The following LILRB4 variants were observed in gnomAD, a reference collection of about 807,000 sequenced individuals.
LILRB4 encodes the protein leukocyte immunoglobulin like receptor B4, also known as leukocyte immunoglobulin-like receptor subfamily B member 4.
Under a neutral mutation model 55.2 loss-of-function variants are expected in LILRB4, and 49 were observed. That is an observed-to-expected ratio of 0.89 (90% CI 0.71 to 1.13). The LOEUF (loss-of-function observed/expected upper bound fraction) is 1.13, where lower values mean the gene tolerates loss of function less well. Ranked by LOEUF, LILRB4 falls within the 50% of genes most tolerant of loss-of-function variation. LILRB4 has a pLI of 0.00. For synonymous variants in LILRB4, 229 were observed against 213.8 expected, an observed-to-expected ratio of 1.07 and a Z score of -0.62; for missense variants, 590 against 555.2, an observed-to-expected ratio of 1.06 and a Z score of -0.63.
chr19:54,663,526 T>C lies in LILRB4; in HGVS notation c.35-6T>C, dbSNP rs768487794. ...GGCAAATCCCTCACAGGGAACTCTC[T>C]TCCAGGGCTGAGTCTGGGCCCCAGG... is the stretch of plus-strand genomic sequence containing the variant. On this transcript the variant is annotated splice_region_variant and splice_polypyrimidine_tract_variant and intron_variant, in intron 1 of 11. Transcript: ENST00000430952. 8.7e-6 allele frequency: 14 copies of C among 1,612,188 alleles called. No individual in the cohort carries two copies. The East Asian group carries it at 3.1e-4, about 36-fold the overall frequency.
intron 2 of LILRB4, 62 bp from the exon 3 acceptor site, chr19:54,663,692 C>T (rs2065121267): frequency 1.2e-6 from 2 of 1,608,560 alleles, no homozygotes; most frequent in South Asian, 2.2e-5. Context: ...GGTCCTGGGG[C>T]TGAGAGCTGG....
chr19:54,667,074 G>C, intron 10 of LILRB4: 1 of 629,250 alleles, frequency 1.6e-6, no homozygotes. Context: ...TCTAGTGAGT[G>C]TTCCCAGGGA....
chr19:54,665,268 G>A lies in LILRB4; in HGVS notation c.757+88G>A. On this transcript the variant is annotated intron_variant, in intron 6 of 11. Transcript: ENST00000430952. This position sits in a 1 kb window ranked among gnomAD's most constrained non-coding sequence, Gnocchi z 5.5. ...CCTAGGTTAAGGCTCCTCTGGAGGT[G>A]GTGATGTGGACAGGCCCCTCCCCTG... 1 of 1,438,398 alleles carries A rather than the reference G, an allele frequency of 7.0e-7. No homozygotes were observed. The highest frequency in any genetic ancestry group is 1.4e-5 in the African/African-American group (1 of 70,776). 89.1% of individuals were successfully genotyped at this position (1,438,398 alleles called of 1,614,324 possible). A position where few individuals can be genotyped will look rare whatever the true frequency, so the allele number is the denominator to read the frequency against.
In LILRB4 at chr19:54,665,711, G is replaced by T. The variant is rs990687775; in HGVS notation, c.758-104G>T. 8 of 1,334,854 alleles carry T rather than the reference G, an allele frequency of 6.0e-6. No individual in the cohort carries two copies. The highest frequency in any genetic ancestry group is 5.9e-5 in the Admixed American group (3 of 50,644). The allele number at this position is 1,334,854 out of a possible 1,614,324, so 82.7% of individuals were successfully genotyped here. A position where few individuals can be genotyped will look rare whatever the true frequency, so the allele number is the denominator to read the frequency against. ...CTCAGGTTGCACAACTGCTGTGAGG[G>T]TTGGAGGTAATGAAAGAAAGACCCA... On this transcript the variant is annotated intron_variant, in intron 6 of 11. Coordinates refer to ENST00000430952, the Ensembl canonical transcript of LILRB4. This position sits in a 1 kb window ranked among gnomAD's most constrained non-coding sequence, Gnocchi z 5.5.
chr19:54,663,163 G>A (rs1413749032), intron 1 of LILRB4, 96 bp downstream of exon 1: 2 of 1,425,664 alleles, frequency 1.4e-6, no homozygotes, highest in Non-Finnish European at 1.9e-6. Flanking sequence ...AAATCTCAGG[G>A]TAGCCGGGCG....
At chr19:54,664,733 T>G in intron 4 of LILRB4, 66 bp from the exon 5 acceptor site, 1 of 1,280,726 alleles carries the variant, frequency 7.8e-7, no homozygotes, top group Admixed American at 2.2e-5. Context: ...TAGGGAGAGG[T>G]TCAATTTGAT....
downstream of LILRB4, chr19:54,668,456 G>T (rs567877093): frequency 4.8e-4 from 84 of 173,520 alleles, no homozygotes; most frequent in African/African-American, 1.9e-3. Flanking sequence ...AAAAGAGCAG[G>T]CATCCATTTC....
exon 12 of LILRB4, chr19:54,667,937 A>G (rs534749): frequency 6.4e-5 from 104 of 1,613,028 alleles, no homozygotes; most frequent in Middle Eastern, 1.6e-4. Flanking sequence ...ACCCTCAGAC[A>G]GAAGGCAACT....
In LILRB4 at chr19:54,664,680, A is replaced by G. The variant is rs2065185402; in HGVS notation, c.656-119A>G. The G allele has an allele frequency of 3.0e-6, 3 of 1,008,182 alleles. No homozygotes were observed. In the East Asian group the frequency reaches 7.6e-5, roughly 25 times the overall value. The allele number at this position is 1,008,182 out of a possible 1,614,324, so 62.5% of individuals were successfully genotyped here. On this transcript the variant is annotated intron_variant, in intron 4 of 11. Coordinates refer to ENST00000430952, the Ensembl canonical transcript of LILRB4. ...CCTCACCTAGGGTCCAGAAGGTGCC[A>G]GGTGGACAGAGAAATGGTCCTTGGG...
chr19:54,663,619 G>A (rs1266886304), intron 2 of LILRB4, 52 bp downstream of exon 2: 2 of 1,612,562 alleles, frequency 1.2e-6, no homozygotes, highest in African/African-American at 2.7e-5. Context: ...GGGACAAGGG[G>A]CCACCCATGG....
chr19:54,665,807 C>T lies in LILRB4; in HGVS notation c.758-8C>T, dbSNP rs377552652. 81 of 1,594,674 alleles carry T rather than the reference C, an allele frequency of 5.1e-5. No homozygotes were observed. The highest frequency in any genetic ancestry group is 1.9e-4 in the African/African-American group (14 of 74,412). ...ATCATCCCCATTCCTGATGTCATCA[C>T]GCCCAAGGTCTGAGAAGGCACTGGG... On this transcript the variant is annotated splice_polypyrimidine_tract_variant and splice_region_variant and intron_variant, in intron 6 of 11. Coordinates refer to ENST00000430952, the Ensembl canonical transcript of LILRB4. This position sits in a 1 kb window ranked among gnomAD's most constrained non-coding sequence, Gnocchi z 5.5.
chr19:54,664,980 C>T (rs746341227), intron 5 of LILRB4, 131 bp downstream of exon 5: 44 of 1,353,310 alleles, frequency 3.3e-5, no homozygotes, highest in Admixed American at 3.8e-5. Flanking sequence ...AGTCGGGCAG[C>T]GACTTGGGAG....
rs2065213810 is a variant in LILRB4 at position 54,665,213 on chromosome 19, G to C, written c.757+33G>C. 2 of 1,569,850 alleles carry C rather than the reference G, an allele frequency of 1.3e-6. No individual in the cohort carries two copies. Among genetic ancestry groups the C allele is most frequent in the South Asian group, 1.2e-5 (1 of 86,918 alleles). On this transcript the variant is annotated intron_variant, in intron 6 of 11. Coordinates refer to ENST00000430952, the Ensembl canonical transcript of LILRB4. This position sits in a 1 kb window ranked among gnomAD's most constrained non-coding sequence, Gnocchi z 5.5. ...AGGGGCTCTGAGTGGGAGGTGGGCA[G>C]GGTCTAGGGGAGCCAAGGGTGGGTT...
rs1436695781 is a variant in LILRB4, at chr19:54,666,558, C to T, written c.988+122C>T. 8.3e-6 allele frequency: 12 copies of T among 1,448,402 alleles called. No homozygotes were observed. The highest frequency in any genetic ancestry group is 1.1e-5 in the Non-Finnish European group (11 of 1,043,284). The allele number at this position is 1,448,402 out of a possible 1,614,324, so 89.7% of individuals were successfully genotyped here. ...GGACTCAGGGAGAAGTGGTCTGAAC[C>T]CACATTGTGGGACCTCGGGGACATC... On this transcript the variant is annotated intron_variant, in intron 9 of 11. Coordinates refer to ENST00000430952, the Ensembl canonical transcript of LILRB4. This position sits in a 1 kb window ranked among gnomAD's most constrained non-coding sequence, Gnocchi z 4.8.
At position 54,665,654 on chromosome 19, in the gene LILRB4, A is replaced by C. The variant is rs2065231022; in HGVS notation, c.758-161A>C. ...CCCCTCTCTGAGCCTCAGTTTGTGC[A>C]TCTGTGAAATGGGTGGAGAGAGGGT... On this transcript the variant is annotated intron_variant, in intron 6 of 11. Coordinates refer to ENST00000430952, the Ensembl canonical transcript of LILRB4. The surrounding 1 kb of genome is among the most constrained non-coding windows in gnomAD (Gnocchi z 5.5). 3.1e-6 allele frequency: 3 copies of C among 953,096 alleles called. No homozygotes were observed. The highest frequency in any genetic ancestry group is 2.0e-5 in the Admixed American group (1 of 49,530). The allele number at this position is 953,096 out of a possible 1,614,324, so 59.0% of individuals were successfully genotyped here.
Position 54,666,100 on chromosome 19 carries a change from C to T in LILRB4, c.875-140C>T, listed in dbSNP as rs1215890514. 2 of 1,232,992 alleles carry T rather than the reference C, an allele frequency of 1.6e-6. No individual in the cohort carries two copies. The highest frequency in any genetic ancestry group is 2.3e-6 in the Non-Finnish European group (2 of 879,238). The allele number at this position is 1,232,992 out of a possible 1,614,324, so 76.4% of individuals were successfully genotyped here. A position where few individuals can be genotyped will look rare whatever the true frequency, so the allele number is the denominator to read the frequency against. Reference sequence around the variant, plus strand: ...GAGGGAGTAATGGAAGTGCTTTATTCTTTCGGTTTTTCTAAACTTAGAAAG... The same window carrying T: ...GAGGGAGTAATGGAAGTGCTTTATTTTTTCGGTTTTTCTAAACTTAGAAAG... On this transcript the variant is annotated intron_variant, in intron 7 of 11. Coordinates refer to ENST00000430952, the Ensembl canonical transcript of LILRB4. This position sits in a 1 kb window ranked among gnomAD's most constrained non-coding sequence, Gnocchi z 4.8.
At chr19:54,663,965 G>T in exon 3 of LILRB4, 1 of 1,614,158 alleles carries the variant, frequency 6.2e-7, no homozygotes, top group Non-Finnish European at 8.5e-7. Context: ...ACTATGCAGG[G>T]AGATACCGCT....
rs2065232984 is a variant in LILRB4 at position 54,665,710 on chromosome 19, G to A, written c.758-105G>A. 3 of 1,318,500 alleles carry A rather than the reference G, an allele frequency of 2.3e-6. No individual in the cohort carries two copies. In the South Asian group the frequency reaches 3.8e-5, roughly 17 times the overall value. The allele number at this position is 1,318,500 out of a possible 1,614,324, so 81.7% of individuals were successfully genotyped here. On this transcript the variant is annotated intron_variant, in intron 6 of 11. Coordinates refer to ENST00000430952, the Ensembl canonical transcript of LILRB4. The surrounding 1 kb of genome is among the most constrained non-coding windows in gnomAD (Gnocchi z 5.5). ...TCTCAGGTTGCACAACTGCTGTGAG[G>A]GTTGGAGGTAATGAAAGAAAGACCC...
chr19:54,664,097 C>T (rs576747039), intron 3 of LILRB4, 59 bp downstream of exon 3: 61 of 1,601,630 alleles, frequency 3.8e-5, no homozygotes, highest in South Asian at 9.0e-5. Context: ...GGGGTCAGCT[C>T]TCAGGGGCAT....
Sources: gnomAD v4.1 joint callset for allele counts on GRCh38, gnomAD v4.1.1 for gene constraint, Gnocchi (gnomAD v3.1) non-coding constraint, MANE v1.5 for transcripts, NCBI Gene and HGNC (gene_info 2026-07-23, HGNC 2026-07-21) for gene names.